NUP188: variants seen among roughly 807,000 people sequenced by gnomAD.
The protein encoded by NUP188 is nucleoporin NUP188.
Under a neutral mutation model 223.0 loss-of-function variants are expected in NUP188, and 97 were observed. The observed-to-expected ratio is 0.43, with a 90% confidence interval of 0.37 to 0.51. The LOEUF (loss-of-function observed/expected upper bound fraction) is 0.51, where lower values mean the gene tolerates loss of function less well. NUP188 is among the 20% of genes least tolerant of loss of function. The pLI, the probability that NUP188 is intolerant of heterozygous loss-of-function variation, is 0.00. For synonymous variants in NUP188, 869 were observed against 828.0 expected (o/e 1.05, Z -0.85); for missense variants, 1,947 against 2,175.6 (o/e 0.89, Z 2.09).
intron 11 of NUP188, among the ~76,000 whole-genome samples, chr9:128,972,560 A>G (rs1842118224): frequency 1.3e-5 from 2 of 152,212 alleles, no homozygotes; most frequent in Admixed American, 6.6e-5. Context: ...AATCCATACA[A>G]TGTACAACAC....
Position 128,966,127 on chromosome 9 carries a change from C to T in NUP188, c.586-2379C>T, listed in dbSNP as rs1842023831. On this transcript the variant is annotated intron_variant, in intron 8 of 43. Coordinates refer to ENST00000372577, the MANE Select transcript of NUP188 (RefSeq NM_015354.3). ...CTTTTTTTAAAATAGATTTCTGCCT[C>T]CGTGTGTGTGTGTGTGTGTGTGTGT... Among the ~76,000 whole-genome samples, 4 of 110,398 alleles carry T rather than the reference C, an allele frequency of 3.6e-5. No individual in the cohort carries two copies. The South Asian group carries it at 1.0e-3, about 29-fold the overall frequency. The allele number at this position is 110,398 out of a possible 152,430, so 72.4% of individuals were successfully genotyped here.
At chr9:128,961,314 A>G (rs1841947567) in intron 8 of NUP188, among the ~76,000 whole-genome samples, 1 of 151,380 alleles carries the variant, frequency 6.6e-6, no homozygotes, top group East Asian at 2.0e-4. Flanking sequence ...TAGGCGACAG[A>G]GCAAGACTCT....
intron 25 of NUP188, 55 bp downstream of exon 25, chr9:128,990,281 CT>C (rs540388832): frequency 2.4e-4 from 335 of 1,404,556 alleles, no homozygotes; most frequent in African/African-American, 4.7e-4. Context: ...TTTTTTCCCC[CT>C]GATTACAAAA....
intron 8 of NUP188, among the ~76,000 whole-genome samples, chr9:128,961,759 T>A (rs1841958549): frequency 6.6e-6 from 1 of 150,774 alleles, no homozygotes. Flanking sequence ...GTAGCTGGGA[T>A]TACAGGCATG....
intron 12 of NUP188, among the ~76,000 whole-genome samples, chr9:128,978,920 A>G (rs1024016897): frequency 6.6e-6 from 1 of 152,204 alleles, no homozygotes; most frequent in African/African-American, 2.4e-5. Context: ...CATGTTGGCC[A>G]GGCTGGTCTC....
chr9:128,952,322 C>T (rs1018438092), intron 2 of NUP188, among the ~76,000 whole-genome samples: 19 of 151,776 alleles, frequency 1.3e-4, no homozygotes, highest in Admixed American at 1.1e-3. Flanking sequence ...TTGCTTGAAC[C>T]CAGGAGGCGG....
intron 10 of NUP188, among the ~76,000 whole-genome samples, 189 bp from the exon 11 acceptor site, chr9:128,970,569 T>C (rs1842090888): frequency 6.6e-6 from 1 of 152,086 alleles, no homozygotes; most frequent in Admixed American, 6.6e-5. Context: ...ATTTTGTGGG[T>C]AAAGGAAGAG....
chr9:128,983,301 C>T lies in NUP188; in HGVS notation c.1805C>T (p.Thr602Ile). The T allele has an allele frequency of 1.2e-6, 2 of 1,613,968 alleles. No individual in the cohort carries two copies. The highest frequency in any genetic ancestry group is 1.7e-6 in the Non-Finnish European group (2 of 1,179,856). Residue 602 changes from threonine to isoleucine, a missense_variant, in exon 18 of 44, where the codon ACA becomes ATA. This residue lies in a region of NUP188 where 817 missense variants were observed against 865.8 expected (regional missense o/e 0.94). Transcript: ENST00000372577. ...TATTGTTCTCCAACCAGGTTAACGA[C>T]AGTGATCTCCCCACCTGTGGATGTC... ...RIYMLLQRLT[T>I]VISPPVDVIA...
intron 3 of NUP188, among the ~76,000 whole-genome samples, chr9:128,955,583 A>T (rs1268888106): frequency 6.6e-6 from 1 of 151,940 alleles, no homozygotes; most frequent in East Asian, 1.9e-4. Flanking sequence ...GCTATTGGGC[A>T]TTCTTTTAGG....
At chr9:129,005,843 T>C (rs1403693076) in intron 41 of NUP188, 67 bp downstream of exon 41, 1 of 1,539,470 alleles carries the variant, frequency 6.5e-7, no homozygotes, top group African/African-American at 1.4e-5. Flanking sequence ...ACTTCCCAGC[T>C]GACCTTGGGC....
At chr9:128,963,606 T>C (rs1312082688) in intron 8 of NUP188, among the ~76,000 whole-genome samples, 2 of 152,158 alleles carry the variant, frequency 1.3e-5, no homozygotes, top group African/African-American at 4.8e-5. Context: ...TTGTTTGACA[T>C]TGTCACCAAC....
rs202212691 is a variant in NUP188 at position 128,993,243 on chromosome 9, C to G, written c.2687C>G (p.Ala896Gly). 3.2e-5 allele frequency: 52 copies of G among 1,614,076 alleles called. No homozygotes were observed. Among genetic ancestry groups the G allele is most frequent in the Non-Finnish European group, 4.0e-5 (47 of 1,180,042 alleles). Residue 896 changes from alanine to glycine, a missense_variant, in exon 26 of 44, where the codon GCC becomes GGC. Physicochemically the swap from Ala to Gly is moderately conservative, Grantham distance 60. Around this residue, in one of 3 missense-constraint regions of NUP188, gnomAD observed 225 missense variants for 319.1 expected, o/e 0.71. Coordinates refer to ENST00000372577, the MANE Select transcript of NUP188 (RefSeq NM_015354.3). Reference protein sequence around the residue: ...VYACLGNDAAAIRDAFLTRLQ... With the variant: ...VYACLGNDAAGIRDAFLTRLQ... Reference sequence around the variant, plus strand: ...GCTTGTCTGGGCAATGATGCGGCTGCCATTCGTGATGCCTTCCTGACCCGA... The same window carrying G: ...GCTTGTCTGGGCAATGATGCGGCTGGCATTCGTGATGCCTTCCTGACCCGA...
intron 32 of NUP188, among the ~76,000 whole-genome samples, chr9:128,998,856 C>CTTT (rs570377284): frequency 5.6e-5 from 7 of 125,808 alleles, no homozygotes; most frequent in Non-Finnish European, 1.0e-4. Context: ...ACCCCGTATT[C>CTTT]TTTTTTTTTT....
intron 1 of NUP188, chr9:128,948,649 C>T (rs1426135443): frequency 1.3e-5 from 2 of 152,342 alleles, no homozygotes; most frequent in African/African-American, 4.8e-5. Flanking sequence ...TTCCCACCAC[C>T]CTCCCTCAAA....
intron 32 of NUP188, among the ~76,000 whole-genome samples, 157 bp downstream of exon 32, chr9:128,998,780 G>C (rs1842577717): frequency 6.6e-6 from 1 of 152,056 alleles, no homozygotes; most frequent in Non-Finnish European, 1.5e-5. Flanking sequence ...AGGCAGACTG[G>C]TGGATATCCT....
At chr9:128,947,785 T>C in intron 1 of NUP188, 34 bp downstream of exon 1, 1 of 1,375,642 alleles carries the variant, frequency 7.3e-7, no homozygotes, top group Non-Finnish European at 9.4e-7. Flanking sequence ...GGGGTGGCTG[T>C]GAAGCGCGGT....
intron 25 of NUP188, among the ~76,000 whole-genome samples, chr9:128,990,636 G>A (rs965276371): frequency 2.6e-5 from 4 of 152,178 alleles, no homozygotes; most frequent in Non-Finnish European, 5.9e-5. Context: ...AGGCCGAGGC[G>A]GGTGTATCAC....
In NUP188 at chr9:128,993,325, T is replaced by C; in HGVS notation, c.2769T>C (p.Thr923=). 1.2e-6 allele frequency: 2 copies of C among 1,614,206 alleles called. No individual in the cohort carries two copies. The highest frequency in any genetic ancestry group is 1.7e-6 in the Non-Finnish European group (2 of 1,180,024). The change falls in exon 26 of 44, where the codon ACT becomes ACC. Residue 923 remains threonine, a synonymous_variant. Transcript: ENST00000372577. Reference sequence around the variant, plus strand: ...AAGTCATGATTCTAGAGTTCCTCACTGTTGCAGTAGAGACCCAGCCAGGCC... The same window carrying C: ...AAGTCATGATTCTAGAGTTCCTCACCGTTGCAGTAGAGACCCAGCCAGGCC... ...RIKVMILEFL[T]VAVETQPGLI...
chr9:128,984,964 G>A lies in NUP188; in HGVS notation c.2026G>A (p.Glu676Lys), dbSNP rs771618015. Reference protein sequence around the residue: ...LLMNSEQPQGEYGVTIAFLRL... With the variant: ...LLMNSEQPQGKYGVTIAFLRL... ...GATGAACAGTGAACAGCCTCAGGGC[G>A]AGTATGGGGTTACTATTGCCTTTCT... Residue 676 changes from glutamate (E) to lysine (K), a missense_variant, in exon 20 of 44, where the codon GAG (glutamate) becomes AAG (lysine). Coordinates refer to ENST00000372577, the MANE Select transcript of NUP188 (RefSeq NM_015354.3). The A allele has an allele frequency of 1.0e-4, 161 of 1,613,754 alleles. No individual in the cohort carries two copies. Among genetic ancestry groups the A allele is most frequent in the Non-Finnish European group, 1.2e-4 (145 of 1,179,880 alleles).
Sources: allele counts gnomAD v4.1 joint callset (sites outside exome capture counted in the v4.1 genomes callset), GRCh38; gene constraint gnomAD v4.1.1; regional missense constraint gnomAD v4.1.1; transcripts MANE v1.5; gene names NCBI Gene and HGNC (gene_info 2026-07-23, HGNC 2026-07-21).